Variants in ELAPOR1 observed in about 807,000 individuals in gnomAD.
ELAPOR1 encodes the protein endosome/lysosome-associated apoptosis and autophagy regulator 1.
A neutral mutation model predicts 119.7 loss-of-function variants in ELAPOR1; 77 were observed. That is an observed-to-expected ratio of 0.64 (90% CI 0.54 to 0.78). The LOEUF is 0.78. ELAPOR1 is among the 30% of genes least tolerant of loss of function. The probability of loss-of-function intolerance (pLI) is 0.00; values close to 1 mark genes in which losing one functional copy is unlikely to be tolerated. For missense variants in ELAPOR1, 1,115 were observed against 1,270.4 expected, an observed-to-expected ratio of 0.88 and a Z score of 1.86; for synonymous variants, 481 against 487.2, an observed-to-expected ratio of 0.99 and a Z score of 0.17.
At chr1:109,200,953 C>A in intron 21 of ELAPOR1, 53 bp downstream of exon 21, 1 of 1,548,154 alleles carries the variant, frequency 6.5e-7, no homozygotes, top group Non-Finnish European at 8.8e-7. Flanking sequence ...GGAGGAGACA[C>A]TGCTCCTCAG....
chr1:109,192,962 G>A (rs182631020), intron 14 of ELAPOR1, 88 bp downstream of exon 14: 1 of 1,445,268 alleles, frequency 6.9e-7, no homozygotes, highest in Admixed American at 2.1e-5. Context: ...GTTCTTGAGA[G>A]GCTGATACCC....
chr1:109,146,064 C>T (rs1279302451), intron 1 of ELAPOR1, among the ~76,000 whole-genome samples: 2 of 152,134 alleles, frequency 1.3e-5, no homozygotes. Context: ...ATAATCCCAG[C>T]ACTGTGGGAA....
chr1:109,182,094 C>T (rs1034094026), intron 7 of ELAPOR1, among the ~76,000 whole-genome samples: 18 of 151,902 alleles, frequency 1.2e-4, no homozygotes, highest in African/African-American at 3.4e-4. Context: ...CACTTTGGGA[C>T]GCTAAGGCAG....
intron 2 of ELAPOR1, among the ~76,000 whole-genome samples, chr1:109,164,144 C>T (rs1009402125): frequency 6.6e-6 from 1 of 152,106 alleles, no homozygotes; most frequent in Non-Finnish European, 1.5e-5. Flanking sequence ...TCATCACTCT[C>T]ATTTCACATT....
At chr1:109,188,598 A>T (rs1005614603) in intron 9 of ELAPOR1, among the ~76,000 whole-genome samples, 17 of 152,174 alleles carry the variant, frequency 1.1e-4, no homozygotes, top group African/African-American at 3.9e-4. Flanking sequence ...AATGTGACTC[A>T]GGACTGAAGG....
chr1:109,154,930 A>AC (rs921896276), intron 1 of ELAPOR1, among the ~76,000 whole-genome samples: 2 of 152,210 alleles, frequency 1.3e-5, no homozygotes, highest in Non-Finnish European at 2.9e-5. Context: ...GTCCTTAGAC[A>AC]CCAAGACCCT....
chr1:109,203,893 AAAAAAAAG>A lies in ELAPOR1; in HGVS notation c.*886_*893del, dbSNP rs1398551554. ...AGACTCTGCCTCAAAAAAAAAAAAA[AAAAAAAAG>A]AAAAGCACAAAGAGAGGCAACAAGG... On this transcript the variant is annotated 3_prime_UTR_variant, in exon 22 of 22. Transcript: ENST00000369939. The A allele has an allele frequency of 6.6e-6, 1 of 151,596 alleles. No individual in the cohort carries two copies. Among genetic ancestry groups the A allele is most frequent in the Non-Finnish European group, 1.5e-5 (1 of 67,772 alleles). The allele number at this position is 151,596 out of a possible 1,614,324, so 9.4% of individuals were successfully genotyped here.
At chr1:109,158,361 T>C (rs1319113594) in intron 1 of ELAPOR1, among the ~76,000 whole-genome samples, 1 of 150,098 alleles carries the variant, frequency 6.7e-6, no homozygotes, top group Admixed American at 6.7e-5. Flanking sequence ...ACCTAGACAG[T>C]AAGGACTAAA....
intron 1 of ELAPOR1, among the ~76,000 whole-genome samples, chr1:109,141,198 T>C (rs145824430): frequency 0.04 from 6,071 of 152,228 alleles, 198 homozygotes; most frequent in South Asian, 0.097. Context: ...TATACAATAA[T>C]AAAAATATAA....
At chr1:109,117,665 A>G (rs983315736) in intron 1 of ELAPOR1, among the ~76,000 whole-genome samples, 1 of 152,226 alleles carries the variant, frequency 6.6e-6, no homozygotes, top group African/African-American at 2.4e-5. Context: ...AAATAAAATA[A>G]CATGTGAAGT....
intron 1 of ELAPOR1, among the ~76,000 whole-genome samples, chr1:109,123,705 A>G (rs597431): frequency 0.12 from 17,632 of 152,298 alleles, 1,512 homozygotes; most frequent in African/African-American, 0.24. Context: ...CCAGAATTTC[A>G]TAATTGGTTA....
chr1:109,150,562 C>T (rs1203868308), intron 1 of ELAPOR1, among the ~76,000 whole-genome samples: 1 of 152,108 alleles, frequency 6.6e-6, no homozygotes, highest in Non-Finnish European at 1.5e-5. Context: ...TAAAGTCACC[C>T]TTGACCCTAT....
At chr1:109,121,473 G>T (rs1038093057) in intron 1 of ELAPOR1, among the ~76,000 whole-genome samples, 1 of 152,056 alleles carries the variant, frequency 6.6e-6, no homozygotes, top group African/African-American at 2.4e-5. Flanking sequence ...TGTTATAAAA[G>T]CAATAAGGTT....
At chr1:109,173,990 C>T (rs949795526) in intron 7 of ELAPOR1, among the ~76,000 whole-genome samples, 153 bp downstream of exon 7, 3 of 144,944 alleles carry the variant, frequency 2.1e-5, no homozygotes, top group African/African-American at 7.8e-5. Context: ...CCTTGCCAAT[C>T]CATATATCCA....
intron 3 of ELAPOR1, among the ~76,000 whole-genome samples, chr1:109,170,284 G>C (rs915190452): frequency 3.9e-5 from 6 of 152,164 alleles, no homozygotes; most frequent in Admixed American, 2.0e-4. Flanking sequence ...GGTACGCAGA[G>C]GCTTCTGCTG....
intron 21 of ELAPOR1, 118 bp from the exon 22 acceptor site, chr1:109,202,826 A>T: frequency 1.1e-6 from 1 of 923,110 alleles, no homozygotes; most frequent in Non-Finnish European, 1.8e-6. Context: ...GTTTCCACAA[A>T]GCCACTGAAA....
chr1:109,185,236 T>A, intron 8 of ELAPOR1, 103 bp downstream of exon 8: 1 of 893,320 alleles, frequency 1.1e-6, no homozygotes, highest in East Asian at 2.4e-5. Flanking sequence ...ACATTGGCAC[T>A]AGTTAAAACC....
intron 3 of ELAPOR1, among the ~76,000 whole-genome samples, chr1:109,168,615 A>G (rs1160827322): frequency 6.6e-6 from 1 of 152,182 alleles, no homozygotes; most frequent in East Asian, 1.9e-4. Context: ...TAATAGAAAG[A>G]ATGTCATATA....
chr1:109,197,695 G>GTGTGTA, intron 16 of ELAPOR1, 41 bp downstream of exon 16: 1 of 1,538,896 alleles, frequency 6.5e-7, no homozygotes, highest in East Asian at 2.3e-5. Flanking sequence ...GAGAGTGTGT[G>GTGTGTA]TGTGTGTGTG....
Sources: allele counts gnomAD v4.1 joint callset (sites outside exome capture counted in the v4.1 genomes callset), GRCh38; gene constraint gnomAD v4.1.1; transcripts MANE v1.5; gene names NCBI Gene and HGNC (gene_info 2026-07-23, HGNC 2026-07-21).